Variants in TET1 observed in about 807,000 individuals in gnomAD.
TET1 encodes the protein methylcytosine dioxygenase TET1.
Under a neutral mutation model 148.7 loss-of-function variants are expected in TET1, and 13 were observed. That is an observed-to-expected ratio of 0.09 (90% CI 0.06 to 0.14). The LOEUF is 0.14. Ranked by LOEUF, TET1 falls within the 10% of genes least tolerant of loss-of-function variation. The pLI is 1.00. For synonymous variants in TET1, 907 were observed against 937.2 expected, an observed-to-expected ratio of 0.97 and a Z score of 0.59; for missense variants, 2,182 against 2,553.8, an observed-to-expected ratio of 0.85 and a Z score of 3.14.
Position 68,645,809 on chromosome 10 carries a change from C to T in TET1, c.3080C>T (p.Thr1027Ile), listed in dbSNP as rs760786464. ...TNKSIAQGII[T>I]LDNCSNDLHQ... ...AAAAGTATTGCTCAAGGGATAATTA[C>T]TCTTGACAATTGTTCCAATGATTTG... Residue 1027 changes from threonine (T) to isoleucine (I), a missense_variant, in exon 4 of 12, where the codon ACT becomes ATT. By Grantham distance (89) the Thr-to-Ile change is moderately conservative. Transcript: ENST00000373644. 22 of 1,613,902 alleles carry T rather than the reference C, an allele frequency of 1.4e-5. No homozygotes were observed. Among genetic ancestry groups the T allele is most frequent in the Non-Finnish European group, 1.5e-5 (18 of 1,179,984 alleles).
chr10:68,683,439 C>G (rs1297559002), intron 10 of TET1, among the ~76,000 whole-genome samples: 1 of 152,134 alleles, frequency 6.6e-6, no homozygotes, highest in African/African-American at 2.4e-5. Flanking sequence ...CGACCACACC[C>G]GGATAATTTT....
At chr10:68,580,228 G>T (rs988916581) in intron 2 of TET1, among the ~76,000 whole-genome samples, 4 of 150,828 alleles carry the variant, frequency 2.7e-5, no homozygotes, top group Non-Finnish European at 4.4e-5. Flanking sequence ...GTGCCCGGCC[G>T]AGTCTCACTC....
rs766288443 is a variant in TET1 at position 68,645,954 on chromosome 10, A to G, written c.3225A>G (p.Glu1075=). 4 of 1,614,028 alleles carry G rather than the reference A, an allele frequency of 2.5e-6. No homozygotes were observed. The East Asian group carries it at 6.7e-5, about 27-fold the overall frequency. ...ATGCAACCCATACCCAAATTGAGGAAGATGTTGCAACACAGTTGACACAAC... is the reference window on the plus strand; with the variant it reads ...ATGCAACCCATACCCAAATTGAGGAGGATGTTGCAACACAGTTGACACAAC... ...CQDATHTQIE[E]DVATQLTQLA... The change falls in exon 4 of 12, where the codon GAA becomes GAG. Residue 1075 remains glutamate (E), a synonymous_variant. Coordinates refer to ENST00000373644, the MANE Select transcript of TET1 (RefSeq NM_030625.3).
chr10:68,672,487 C>CAAAAAAAAAAAAAAAAA (rs71483920), intron 7 of TET1, among the ~76,000 whole-genome samples: 2 of 49,728 alleles, frequency 4.0e-5, no homozygotes, highest in Non-Finnish European at 6.4e-5. Flanking sequence ...GACCCCATCT[C>CAAAAAAAAAAAAAAAAA]AAAAAAAAAA....
Position 68,691,232 on chromosome 10 carries a change from C to G in TET1, c.5829C>G (p.Pro1943=), listed in dbSNP as rs147109720. The G allele has an allele frequency of 6.2e-7, 1 of 1,614,158 alleles. No homozygotes were observed. The highest frequency in any genetic ancestry group is 1.3e-5 in the African/African-American group (1 of 75,024). Residue 1943 remains proline, a synonymous_variant, in exon 12 of 12, where the codon CCC becomes CCG. Coordinates refer to ENST00000373644, the MANE Select transcript of TET1 (RefSeq NM_030625.3). The surrounding 1 kb of genome is among the most constrained non-coding windows in gnomAD (Gnocchi z 4.4). ...CGCCTCATCAGCCAAACCACCAGCC[C>G]TCCTTCCTCACCTCTCCTCAAGACC... ...PLTPHQPNHQ[P]SFLTSPQDLA...
chr10:68,682,607 C>T (rs2055451789), intron 9 of TET1, among the ~76,000 whole-genome samples: 1 of 152,152 alleles, frequency 6.6e-6, no homozygotes, highest in African/African-American at 2.4e-5. Flanking sequence ...AGTATCCTCA[C>T]CCTGCCTTCC....
intron 2 of TET1, among the ~76,000 whole-genome samples, chr10:68,580,389 T>A (rs2053780347): frequency 7.3e-6 from 1 of 137,698 alleles, no homozygotes; most frequent in Admixed American, 8.1e-5. Flanking sequence ...GGCATGGTCA[T>A]GGCTCACTGC....
At chr10:68,653,117 C>T (rs1394912504) in intron 6 of TET1, among the ~76,000 whole-genome samples, 8 of 151,314 alleles carry the variant, frequency 5.3e-5, no homozygotes, top group Non-Finnish European at 8.8e-5. Context: ...AAATCTTTAC[C>T]ACTTGTAGGT....
rs755655526 is a variant in TET1, at chr10:68,644,701, G to A, written c.1972G>A (p.Asp658Asn). The A allele has an allele frequency of 1.9e-6, 3 of 1,557,246 alleles. No homozygotes were observed. Among genetic ancestry groups the A allele is most frequent in the South Asian group, 1.2e-5 (1 of 81,450 alleles). ...REKKPKVLKA[D>N]FDNKPVNGPK... Reference sequence around the variant, plus strand: ...AAGTAATTTCTGTATTTTACAGGCAGATTTTGACAACAAACCAGTAAATGG... The same window carrying A: ...AAGTAATTTCTGTATTTTACAGGCAAATTTTGACAACAAACCAGTAAATGG... Residue 658 changes from aspartate to asparagine, a missense_variant, in exon 4 of 12, where the codon GAT (aspartate) becomes AAT (asparagine). Physicochemically the swap from Asp to Asn is conservative, Grantham distance 23 (BLOSUM62 1). Transcript: ENST00000373644.
chr10:68,584,057 T>A (rs924290075), intron 2 of TET1, among the ~76,000 whole-genome samples: 1 of 152,010 alleles, frequency 6.6e-6, no homozygotes, highest in African/African-American at 2.4e-5. Context: ...TTTTAATTTT[T>A]TTGAGACAGT....
intron 3 of TET1, among the ~76,000 whole-genome samples, chr10:68,626,849 C>G (rs1438997796): frequency 1.3e-5 from 2 of 152,014 alleles, no homozygotes; most frequent in East Asian, 3.9e-4. Flanking sequence ...ATGACTGGCC[C>G]CTTGTTATTT....
At chr10:68,615,545 C>T (rs1015403035) in intron 3 of TET1, among the ~76,000 whole-genome samples, 2 of 152,002 alleles carry the variant, frequency 1.3e-5, no homozygotes, top group South Asian at 4.1e-4. Flanking sequence ...GGGGTTTCTG[C>T]ATGTTGGCCA....
intron 7 of TET1, among the ~76,000 whole-genome samples, chr10:68,669,234 T>C (rs1336958717): frequency 9.1e-6 from 1 of 110,350 alleles, no homozygotes; most frequent in African/African-American, 2.9e-5. Flanking sequence ...GATCAAGTCT[T>C]CCCCTCACCA....
intron 1 of TET1, among the ~76,000 whole-genome samples, chr10:68,569,999 G>A (rs1387538718): frequency 1.3e-5 from 2 of 152,024 alleles, no homozygotes; most frequent in Non-Finnish European, 2.9e-5. Flanking sequence ...GGTTCAGGGG[G>A]TACATGTGCA....
At chr10:68,670,245 C>T (rs2055254788) in intron 7 of TET1, among the ~76,000 whole-genome samples, 1 of 152,030 alleles carries the variant, frequency 6.6e-6, no homozygotes, top group African/African-American at 2.4e-5. Flanking sequence ...AATAATTTTC[C>T]CCTGTCCATG....
intron 6 of TET1, among the ~76,000 whole-genome samples, chr10:68,654,184 GACAAAAA>G (rs964331289): frequency 2.6e-5 from 4 of 151,184 alleles, no homozygotes; most frequent in Admixed American, 6.6e-5. Flanking sequence ...AGAAAGGAGT[GACAAAAA>G]ACAAAAAAGA....
chr10:68,653,213 T>A (rs889954376), intron 6 of TET1, among the ~76,000 whole-genome samples: 2 of 152,136 alleles, frequency 1.3e-5, no homozygotes, highest in Non-Finnish European at 2.9e-5. Context: ...TGGTTTAGAA[T>A]ATTGGTAGCT....
At chr10:68,607,806 T>C (rs746385975) in intron 3 of TET1, among the ~76,000 whole-genome samples, 1 of 148,118 alleles carries the variant, frequency 6.8e-6, no homozygotes, top group Non-Finnish European at 1.5e-5. Context: ...ATTCTCTCTA[T>C]ATATAGAATA....
chr10:68,631,535 A>T (rs2054572159), intron 3 of TET1, among the ~76,000 whole-genome samples: 1 of 150,264 alleles, frequency 6.7e-6, no homozygotes, highest in Non-Finnish European at 1.5e-5. Flanking sequence ...AGCCTCCCAA[A>T]AGTGCTGGGA....
Sources: allele counts gnomAD v4.1 joint callset (sites outside exome capture counted in the v4.1 genomes callset), GRCh38; gene constraint gnomAD v4.1.1; non-coding constraint Gnocchi (gnomAD v3.1); transcripts MANE v1.5; gene names NCBI Gene and HGNC (gene_info 2026-07-23, HGNC 2026-07-21).